ATP9A: variants seen among roughly 807,000 people sequenced by gnomAD.
ATP9A encodes ATPase phospholipid transporting 9A.
A neutral mutation model predicts 144.1 loss-of-function variants in ATP9A; 52 were observed. That is an observed-to-expected ratio of 0.36 (90% CI 0.29 to 0.45). The LOEUF is 0.45. Among genes scored for constraint, ATP9A ranks in the 20% least tolerant of loss-of-function variants. The probability of loss-of-function intolerance (pLI) is 1.00; values close to 1 mark genes in which losing one functional copy is unlikely to be tolerated. For synonymous variants in ATP9A, 582 were observed against 557.4 expected (o/e 1.04, Z -0.62); for missense variants, 947 against 1,392.7 (o/e 0.68, Z 5.09).
intron 4 of ATP9A, among the ~76,000 whole-genome samples, chr20:51,710,770 T>C (rs1393257816): frequency 6.6e-6 from 1 of 152,182 alleles, no homozygotes; most frequent in Non-Finnish European, 1.5e-5. Flanking sequence ...CCTTAGGACT[T>C]TCTCAAGAGC....
At chr20:51,722,362 A>C (rs186149629) in intron 3 of ATP9A, among the ~76,000 whole-genome samples, 168 of 152,380 alleles carry the variant, frequency 1.1e-3, no homozygotes, top group African/African-American at 3.9e-3. Flanking sequence ...TAAACTGAAG[A>C]GCTTTTACAC....
chr20:51,648,840 A>T (rs2077352660), intron 14 of ATP9A, among the ~76,000 whole-genome samples: 1 of 152,186 alleles, frequency 6.6e-6, no homozygotes, highest in African/African-American at 2.4e-5. Context: ...TCAAAAAAAT[A>T]AGCAAAACAC....
chr20:51,654,693 G>C (rs996541577), intron 14 of ATP9A, among the ~76,000 whole-genome samples: 1 of 151,934 alleles, frequency 6.6e-6, no homozygotes, highest in Non-Finnish European at 1.5e-5. Flanking sequence ...CCTATCAAGA[G>C]CCGCTGCACT....
intron 21 of ATP9A, among the ~76,000 whole-genome samples, chr20:51,617,796 C>T (rs976231276): frequency 1.3e-5 from 2 of 152,200 alleles, no homozygotes; most frequent in Non-Finnish European, 2.9e-5. Context: ...AGCAGTGGGA[C>T]TGTGTCCACA....
rs62228300 is a variant in ATP9A at position 51,618,539 on chromosome 20, T to C, written c.2350+123A>G. 7.8e-3 allele frequency: 10,617 copies of C among 1,365,628 alleles called. 55 individuals carry two copies. The highest frequency in any genetic ancestry group is 8.9e-3 in the Non-Finnish European group (9,057 of 1,022,506). 84.6% of individuals were successfully genotyped at this position (1,365,628 alleles called of 1,614,324 possible). On this transcript the variant is annotated intron_variant, in intron 21 of 27. Coordinates refer to ENST00000338821, the MANE Select transcript of ATP9A (RefSeq NM_006045.3). ...AAGTCTGAGAGGTGGAGAAAAATCA[T>C]GACCTGAACAAAGGGGCCTGGGGAA...
At chr20:51,699,376 C>T (rs901357524) in intron 4 of ATP9A, among the ~76,000 whole-genome samples, 11 of 147,600 alleles carry the variant, frequency 7.5e-5, no homozygotes, top group African/African-American at 2.5e-4. Flanking sequence ...CTTAAAGACA[C>T]GAAATAATAT....
intron 2 of ATP9A, among the ~76,000 whole-genome samples, chr20:51,727,996 T>C (rs1371956429): frequency 6.6e-6 from 1 of 151,068 alleles, no homozygotes; most frequent in Non-Finnish European, 1.5e-5. Context: ...AGTCAAATCC[T>C]CCCCTGGGGA....
chr20:51,627,827 C>A, intron 16 of ATP9A, 144 bp from the exon 17 acceptor site: 1 of 715,682 alleles, frequency 1.4e-6, no homozygotes, highest in Non-Finnish European at 2.4e-6. Context: ...CTACGGCAAT[C>A]CTCCCTGGAG....
intron 1 of ATP9A, among the ~76,000 whole-genome samples, chr20:51,759,953 G>GC (rs1210965747): frequency 6.6e-6 from 1 of 152,054 alleles, no homozygotes; most frequent in African/African-American, 2.4e-5. Flanking sequence ...GCTCCTCCCT[G>GC]CCCCGCCCCC....
chr20:51,765,567 G>A (rs1259194959), intron 1 of ATP9A, among the ~76,000 whole-genome samples: 2 of 149,680 alleles, frequency 1.3e-5, no homozygotes, highest in East Asian at 3.9e-4. Flanking sequence ...AAGGAGAATC[G>A]CTTGAACCTG....
intron 1 of ATP9A, among the ~76,000 whole-genome samples, chr20:51,756,039 A>G (rs2077854454): frequency 6.6e-6 from 1 of 152,226 alleles, no homozygotes; most frequent in Non-Finnish European, 1.5e-5. Context: ...GATACTGCAC[A>G]TGCCAAGATG....
intron 8 of ATP9A, among the ~76,000 whole-genome samples, chr20:51,690,212 G>A (rs375089224): frequency 6.2e-4 from 93 of 150,956 alleles, no homozygotes; most frequent in Middle Eastern, 7.1e-3. Flanking sequence ...CAAGGTCAGG[G>A]GATCAAGACC....
In ATP9A at chr20:51,596,596, T is replaced by C. The variant is rs533649187; in HGVS notation, c.*4615A>G. The C allele has an allele frequency of 6.6e-6, 1 of 152,236 alleles. No homozygotes were observed. The highest frequency in any genetic ancestry group is 2.1e-4 in the South Asian group (1 of 4,832). The allele number at this position is 152,236 out of a possible 1,614,324, so 9.4% of individuals were successfully genotyped here. ...ATGGACAATAGTACAAAATAATAAA[T>C]AACATGCATTGATTTGGGGTTTTTT... On this transcript the variant is annotated 3_prime_UTR_variant, in exon 28 of 28. Transcript: ENST00000338821.
chr20:51,648,175 G>C (rs1395266276), intron 14 of ATP9A, among the ~76,000 whole-genome samples: 3 of 152,116 alleles, frequency 2.0e-5, no homozygotes, highest in South Asian at 2.1e-4. Flanking sequence ...CTATACCCAG[G>C]CATGGAGGGG....
intron 9 of ATP9A, among the ~76,000 whole-genome samples, chr20:51,686,028 A>G (rs1601103932): frequency 6.6e-6 from 1 of 152,340 alleles, no homozygotes; most frequent in African/African-American, 2.4e-5. Context: ...ATAGAATTCT[A>G]TGCAGCCATA....
At chr20:51,712,673 G>C (rs2077644688) in intron 4 of ATP9A, among the ~76,000 whole-genome samples, 1 of 152,218 alleles carries the variant, frequency 6.6e-6, no homozygotes, top group African/African-American at 2.4e-5. Context: ...AACGGGAAAG[G>C]GATTAGCCAG....
At chr20:51,641,920 G>A (rs946228541) in intron 14 of ATP9A, among the ~76,000 whole-genome samples, 3 of 151,122 alleles carry the variant, frequency 2.0e-5, no homozygotes, top group Non-Finnish European at 2.9e-5. Context: ...TGCAGCCCCT[G>A]TCAACACCCT....
Position 51,673,482 on chromosome 20 carries a change from T to A in ATP9A, c.1037+671A>T, listed in dbSNP as rs964812466. ...ATTGCACACCTACAGCAGACACTGC[T>A]GTCAATCACAACACCATTTCCCTTT... On this transcript the variant is annotated intron_variant, in intron 11 of 27. Coordinates refer to ENST00000338821, the MANE Select transcript of ATP9A (RefSeq NM_006045.3). 2.6e-5 allele frequency among the ~76,000 whole-genome samples: 4 copies of A among 152,214 alleles called. No homozygotes were observed. The East Asian group carries it at 5.8e-4, about 22-fold the overall frequency.
At chr20:51,657,304 T>C (rs2077391285) in intron 13 of ATP9A, among the ~76,000 whole-genome samples, 154 bp from the exon 14 acceptor site, 1 of 150,958 alleles carries the variant, frequency 6.6e-6, no homozygotes, top group Admixed American at 6.6e-5. Flanking sequence ...ATAAATGACA[T>C]GCAATTTTCA....
Sources: allele counts gnomAD v4.1 joint callset (sites outside exome capture counted in the v4.1 genomes callset), GRCh38; gene constraint gnomAD v4.1.1; transcripts MANE v1.5; gene names NCBI Gene and HGNC (gene_info 2026-07-23, HGNC 2026-07-21).